The following PLG variants were observed in gnomAD, a reference collection of about 807,000 sequenced individuals.
PLG encodes the protein plasminogen.
PLG carries 41 observed loss-of-function variants against 104.4 expected under a neutral mutation model. That is an observed-to-expected ratio of 0.39 (90% CI 0.31 to 0.51). The LOEUF (loss-of-function observed/expected upper bound fraction) is 0.51. PLG is among the 20% of genes least tolerant of loss of function. The pLI is 0.76. For synonymous variants in PLG, 337 were observed against 357.1 expected, an observed-to-expected ratio of 0.94 and a Z score of 0.63; for missense variants, 891 against 1,003.6, an observed-to-expected ratio of 0.89 and a Z score of 1.52.
chr6:160,731,688 C>G lies in PLG; in HGVS notation c.1439-57C>G. The G allele has an allele frequency of 6.5e-7, 1 of 1,532,802 alleles. No homozygotes were observed. The highest frequency in any genetic ancestry group is 9.0e-7 in the Non-Finnish European group (1 of 1,106,144). The allele number at this position is 1,532,802 out of a possible 1,614,324, so 95.0% of individuals were successfully genotyped here. ...GAAACCTGACATGACTGTATTGATT[C>G]CATATCATCCTGGGTCTCTGTGGCT... On this transcript the variant is annotated intron_variant, in intron 11 of 18. Coordinates refer to ENST00000308192, the MANE Select transcript of PLG (RefSeq NM_000301.5). This position sits in a 1 kb window ranked among gnomAD's most constrained non-coding sequence, Gnocchi z 5.1.
At chr6:160,708,854 G>A (rs185134689) in intron 3 of PLG, among the ~76,000 whole-genome samples, 37 of 151,896 alleles carry the variant, frequency 2.4e-4, no homozygotes, top group Middle Eastern at 6.8e-3. Flanking sequence ...TATTTATCTC[G>A]AATTCTTGAG....
At chr6:160,730,971 T>C (rs1777990151) in intron 10 of PLG, 80 bp from the exon 11 acceptor site, 3 of 1,417,440 alleles carry the variant, frequency 2.1e-6, no homozygotes, top group Non-Finnish European at 3.0e-6. Context: ...AACACTTTGT[T>C]AGAACAAAAT....
intron 1 of PLG, among the ~76,000 whole-genome samples, chr6:160,702,723 C>G (rs1015053671): frequency 2.0e-5 from 3 of 152,172 alleles, no homozygotes; most frequent in Non-Finnish European, 4.4e-5. Context: ...GTGTCATGCT[C>G]CCCTCACTTG....
Position 160,707,734 on chromosome 6 carries a change from G to A in PLG, c.220G>A (p.Val74Met). 2.5e-6 allele frequency: 4 copies of A among 1,611,482 alleles called. No homozygotes were observed. Among genetic ancestry groups the A allele is most frequent in the Non-Finnish European group, 3.4e-6 (4 of 1,179,400 alleles). The change falls in exon 3 of 19, where the codon GTG (valine) becomes ATG (methionine). Residue 74 changes from valine (V) to methionine (M), a missense_variant. Physicochemically the swap from Val to Met is conservative, Grantham distance 21. Around this residue, in one of 2 missense-constraint regions of PLG, gnomAD observed 854 missense variants for 932.1 expected, o/e 0.92. Coordinates refer to ENST00000308192, the MANE Select transcript of PLG (RefSeq NM_000301.5). Reference sequence around the variant, plus strand: ...ATATCACAGTAAAGAGCAACAATGTGTGATAATGGCTGAAAACAGGAAGTC... The same window carrying A: ...ATATCACAGTAAAGAGCAACAATGTATGATAATGGCTGAAAACAGGAAGTC... ...FQYHSKEQQC[V>M]IMAENRKSSI... is the part of the protein sequence containing the mutation.
chr6:160,703,937 G>T (rs1582928365), intron 1 of PLG, among the ~76,000 whole-genome samples: 1 of 152,174 alleles, frequency 6.6e-6, no homozygotes, highest in Non-Finnish European at 1.5e-5. Context: ...CCCGGGGAGA[G>T]GGAAAAGTTT....
rs572321141 is a variant in PLG at position 160,718,008 on chromosome 6, T to TC, written c.788-284dup. Among the ~76,000 whole-genome samples, 202 of 152,294 alleles carry TC rather than the reference T, an allele frequency of 1.3e-3. 1 individual carries two copies. The highest frequency in any genetic ancestry group is 4.6e-3 in the African/African-American group (193 of 41,574). On this transcript the variant is annotated intron_variant, in intron 7 of 18. Coordinates refer to ENST00000308192, the MANE Select transcript of PLG (RefSeq NM_000301.5). Reference sequence around the variant, plus strand: ...GGCTCACGCCTGTAATCCCAGCACTTCCGGAGGCCGAGGTGGGCGGATCAC... The same window carrying TC: ...GGCTCACGCCTGTAATCCCAGCACTTCCCGGAGGCCGAGGTGGGCGGATCAC...
At chr6:160,711,546 T>C (rs4252084) in intron 4 of PLG, 3 of 1,596,966 alleles carry the variant, frequency 1.9e-6, no homozygotes, top group Admixed American at 1.7e-5. Flanking sequence ...GATAATTTCA[T>C]CACTTTTAAT....
Position 160,738,484 on chromosome 6 carries a change from G to T in PLG, c.1803-54G>T, listed in dbSNP as rs967207061. The T allele has an allele frequency of 1.2e-5, 13 of 1,056,162 alleles. No individual in the cohort carries two copies. The highest frequency in any genetic ancestry group is 1.8e-5 in the Non-Finnish European group (12 of 670,494). The allele number at this position is 1,056,162 out of a possible 1,614,324, so 65.4% of individuals were successfully genotyped here. On this transcript the variant is annotated intron_variant, in intron 14 of 18. Transcript: ENST00000308192. The surrounding 1 kb of genome is among the most constrained non-coding windows in gnomAD (Gnocchi z 6.8). ...GTGTCTTTCTGGCTTTCTGTACAATGGAGCAGAACAAAGTATCAATTTAAC... is the reference window on the plus strand; with the variant it reads ...GTGTCTTTCTGGCTTTCTGTACAATTGAGCAGAACAAAGTATCAATTTAAC...
intron 17 of PLG, among the ~76,000 whole-genome samples, chr6:160,748,622 A>G (rs914284348): frequency 1.3e-5 from 2 of 152,272 alleles, no homozygotes; most frequent in South Asian, 2.1e-4. Context: ...TGATAATAAT[A>G]TGGAATAGAG....
Position 160,722,438 on chromosome 6 carries a change from A to AC in PLG, c.1128dup (p.Cys377LeufsTer5). On this transcript the variant is annotated frameshift_variant, in exon 10 of 19. Transcript: ENST00000308192. LOFTEE classifies it high-confidence loss of function. ...CCTGAGCTAACCCCTGTGGTCCAGG[A>AC]CTGCTACCATGGTGATGGACAGAGC... 1 of 1,612,962 alleles carries AC rather than the reference A, an allele frequency of 6.2e-7. No homozygotes were observed. Among genetic ancestry groups the AC allele is most frequent in the Non-Finnish European group, 8.5e-7 (1 of 1,179,036 alleles).
rs1483681591 is a variant in PLG at position 160,752,961 on chromosome 6, C to T, written c.2333C>T (p.Thr778Ile). Residue 778 changes from threonine (T) to isoleucine (I), a missense_variant, in exon 19 of 19, where the codon ACT becomes ATT. Physicochemically the swap from Thr to Ile is moderately conservative, Grantham distance 89. Coordinates refer to ENST00000308192, the MANE Select transcript of PLG (RefSeq NM_000301.5). The surrounding 1 kb of genome is among the most constrained non-coding windows in gnomAD (Gnocchi z 4.7). ...GACAAATACATTTTACAAGGAGTCACTTCTTGGGGTCTTGGCTGTGCACGC... is the reference window on the plus strand; with the variant it reads ...GACAAATACATTTTACAAGGAGTCATTTCTTGGGGTCTTGGCTGTGCACGC... The part of the protein sequence containing the change: ...EKDKYILQGV[T>I]SWGLGCARPN... 1.9e-6 allele frequency: 3 copies of T among 1,613,192 alleles called. No individual in the cohort carries two copies. Among genetic ancestry groups the T allele is most frequent in the African/African-American group, 2.7e-5 (2 of 74,822 alleles).
intron 10 of PLG, among the ~76,000 whole-genome samples, chr6:160,727,415 A>G (rs1777936755): frequency 6.6e-6 from 1 of 151,606 alleles, no homozygotes; most frequent in Non-Finnish European, 1.5e-5. Flanking sequence ...TACAGAAAAT[A>G]GAGGAGAAGG....
intron 9 of PLG, 114 bp downstream of exon 9, chr6:160,718,952 G>T: frequency 1.1e-6 from 1 of 935,394 alleles, no homozygotes; most frequent in East Asian, 2.5e-5. Context: ...ATTGTGGTCA[G>T]AAAGCCTGCC....
chr6:160,730,399 C>T (rs1393032621), intron 10 of PLG, among the ~76,000 whole-genome samples: 1 of 152,224 alleles, frequency 6.6e-6, no homozygotes, highest in African/African-American at 2.4e-5. Context: ...TGCCTGGGAG[C>T]TAGTTTCCCA....
At position 160,736,900 on chromosome 6, in the gene PLG, T is replaced by C. The variant is rs1429835813; in HGVS notation, c.1695T>C (p.Phe565=). 3 of 1,613,994 alleles carry C rather than the reference T, an allele frequency of 1.9e-6. No homozygotes were observed. The South Asian group carries it at 3.3e-5, about 18-fold the overall frequency. The change falls in exon 14 of 19, where the codon TTT becomes TTC. Residue 565 remains phenylalanine, a synonymous_variant. Coordinates refer to ENST00000308192, the MANE Select transcript of PLG (RefSeq NM_000301.5). The surrounding 1 kb of genome is among the most constrained non-coding windows in gnomAD (Gnocchi z 5.2). The part of the protein sequence containing the change: ...CDVPQCAAPS[F]DCGKPQVEPK... ...CTTGTGCCACAGCGGCCCCTTCATTTGATTGTGGGAAGCCTCAAGTGGAGC... is the reference window on the plus strand; with the variant it reads ...CTTGTGCCACAGCGGCCCCTTCATTCGATTGTGGGAAGCCTCAAGTGGAGC...
At position 160,706,435 on chromosome 6, in the gene PLG, G is replaced by A. The variant is rs1227451433; in HGVS notation, c.78G>A (p.Val26=). The stretch of plus-strand genomic sequence containing the variant: ...AAGGAGAGCCTCTGGATGACTATGT[G>A]AATACCCAGGGGGCTTCACTGTTCA... ...SGQGEPLDDY[V]NTQGASLFSV... Residue 26 remains valine (V), a synonymous_variant, in exon 2 of 19, where the codon GTG becomes GTA. Transcript: ENST00000308192. 6.2e-7 allele frequency: 1 copy of A among 1,613,444 alleles called. No individual in the cohort carries two copies. Among genetic ancestry groups the A allele is most frequent in the Non-Finnish European group, 8.5e-7 (1 of 1,179,684 alleles).
In PLG at chr6:160,713,104, T is replaced by A; in HGVS notation, c.526T>A (p.Cys176Ser). The A allele has an allele frequency of 6.2e-7, 1 of 1,610,584 alleles. No homozygotes were observed. The highest frequency in any genetic ancestry group is 8.5e-7 in the Non-Finnish European group (1 of 1,178,560). The part of the protein sequence containing the change: ...TTDPEKRYDY[C>S]DILECEEECM... ...TGATCCAGAAAAGAGATATGACTACTGCGACATTCTTGAGTGTGAAGGTCA... is the reference window on the plus strand; with the variant it reads ...TGATCCAGAAAAGAGATATGACTACAGCGACATTCTTGAGTGTGAAGGTCA... The change falls in exon 5 of 19, where the codon TGC (cysteine) becomes AGC (serine). Residue 176 changes from cysteine to serine, a missense_variant. Physicochemically the swap from Cys to Ser is moderately radical, Grantham distance 112. Coordinates refer to ENST00000308192, the MANE Select transcript of PLG (RefSeq NM_000301.5).
intron 4 of PLG, chr6:160,711,728 C>T (rs1204835681): frequency 5.0e-6 from 8 of 1,607,878 alleles, no homozygotes; most frequent in Non-Finnish European, 6.8e-6. Context: ...ATCAATGAAA[C>T]TATGAGTTTT....
rs1777846845 is a variant in PLG at position 160,722,424 on chromosome 6, C to T, written c.1113C>T (p.Thr371=). 6.2e-7 allele frequency: 1 copy of T among 1,611,436 alleles called. No homozygotes were observed. The highest frequency in any genetic ancestry group is 8.5e-7 in the Non-Finnish European group (1 of 1,177,674). Residue 371 remains threonine, a synonymous_variant, in exon 10 of 19, where the codon ACC becomes ACT. Coordinates refer to ENST00000308192, the MANE Select transcript of PLG (RefSeq NM_000301.5). The part of the protein sequence containing the change: ...QLAPTAPPEL[T]PVVQDCYHGD... ...TAATTTCAGCACCACCTGAGCTAAC[C>T]CCTGTGGTCCAGGACTGCTACCATG...
Sources: allele counts gnomAD v4.1 joint callset (sites outside exome capture counted in the v4.1 genomes callset), GRCh38; gene constraint gnomAD v4.1.1; regional missense constraint gnomAD v4.1.1; non-coding constraint Gnocchi (gnomAD v3.1); transcripts MANE v1.5; gene names NCBI Gene and HGNC (gene_info 2026-07-23, HGNC 2026-07-21).